Variants in WNT3 observed in about 807,000 individuals in gnomAD.
WNT3 encodes Wnt family member 3.
WNT3 carries 7 observed loss-of-function variants against 34.2 expected under a neutral mutation model. The observed-to-expected ratio is 0.20, with a 90% CI of 0.12 to 0.38. The LOEUF (loss-of-function observed/expected upper bound fraction) is 0.38. Among genes scored for constraint, WNT3 ranks in the 10% least tolerant of loss-of-function variants. WNT3 has a pLI of 1.00. For synonymous variants in WNT3, 212 were observed against 211.5 expected (o/e 1.00, Z -0.02); for missense variants, 267 against 499.8 (o/e 0.53, Z 4.44).
chr17:46,818,256 A>G (rs935891951), intron 1 of WNT3, among the ~76,000 whole-genome samples: 15 of 152,034 alleles, frequency 9.9e-5, no homozygotes, highest in African/African-American at 3.4e-4. Context: ...AGGATCTAAG[A>G]ATAAGAAACC....
chr17:46,808,953 T>A (rs1344599253), intron 1 of WNT3, among the ~76,000 whole-genome samples: 1 of 152,172 alleles, frequency 6.6e-6, no homozygotes, highest in Non-Finnish European at 1.5e-5. Context: ...GTTAGCTACA[T>A]GACCTGAGCC....
intron 1 of WNT3, among the ~76,000 whole-genome samples, chr17:46,796,409 C>A (rs1383805327): frequency 2.0e-5 from 3 of 152,292 alleles, no homozygotes; most frequent in Admixed American, 6.5e-5. Context: ...GTTATCATCA[C>A]CCCTATCTCA....
At chr17:46,770,688 C>G (rs1442519067) in intron 2 of WNT3, among the ~76,000 whole-genome samples, 2 of 152,208 alleles carry the variant, frequency 1.3e-5, no homozygotes, top group African/African-American at 4.8e-5. Flanking sequence ...TGCCCTCACG[C>G]CCAGGCACGG....
intron 1 of WNT3, among the ~76,000 whole-genome samples, chr17:46,810,248 T>G (rs1224034602): frequency 6.6e-6 from 1 of 152,064 alleles, no homozygotes; most frequent in East Asian, 1.9e-4. Context: ...CCTCAGGTGA[T>G]CCACCCGCCT....
At chr17:46,767,434 G>C (rs1424902099) in intron 4 of WNT3, among the ~76,000 whole-genome samples, 1 of 152,194 alleles carries the variant, frequency 6.6e-6, no homozygotes, top group African/African-American at 2.4e-5. Context: ...GCTTGTGCAG[G>C]AACTTGCCCT....
intron 1 of WNT3, among the ~76,000 whole-genome samples, chr17:46,808,654 G>A (rs894700753): frequency 3.3e-5 from 5 of 152,158 alleles, no homozygotes; most frequent in Admixed American, 1.3e-4. Flanking sequence ...GTCAACAAAC[G>A]TATTAACCTG....
chr17:46,768,870 T>C lies in WNT3; in HGVS notation c.589-71A>G. ...GGGGCACATCCAGGCCTTCCCTCTC[T>C]GCCACTGCCCACCCCCTTCCCTCCA... On this transcript the variant is annotated intron_variant, in intron 3 of 4. Coordinates refer to ENST00000225512, the MANE Select transcript of WNT3 (RefSeq NM_030753.5). This position sits in a 1 kb window ranked among gnomAD's most constrained non-coding sequence, Gnocchi z 5.0. The C allele has an allele frequency of 1.9e-6, 3 of 1,571,950 alleles. No individual in the cohort carries two copies. The highest frequency in any genetic ancestry group is 2.4e-5 in the South Asian group (2 of 85,098).
At chr17:46,800,137 G>A (rs2084105692) in intron 1 of WNT3, among the ~76,000 whole-genome samples, 2 of 152,016 alleles carry the variant, frequency 1.3e-5, no homozygotes, top group Non-Finnish European at 2.9e-5. Context: ...TGGAGATGGA[G>A]TCTCACTGTG....
At chr17:46,786,034 G>A (rs1053902947) in intron 1 of WNT3, among the ~76,000 whole-genome samples, 6 of 152,198 alleles carry the variant, frequency 3.9e-5, no homozygotes, top group African/African-American at 1.4e-4. Flanking sequence ...TTGTGAGCAT[G>A]AAGTGCTTTT....
chr17:46,800,519 C>G (rs544135758), intron 1 of WNT3, among the ~76,000 whole-genome samples: 416 of 116,020 alleles, frequency 3.6e-3, no homozygotes, highest in South Asian at 6.5e-3. Context: ...GGGGCTGACT[C>G]TTACACTGGG....
intron 1 of WNT3, among the ~76,000 whole-genome samples, chr17:46,793,195 G>A (rs948773654): frequency 6.9e-6 from 1 of 144,080 alleles, no homozygotes; most frequent in Non-Finnish European, 1.5e-5. Flanking sequence ...GATTGCTTGA[G>A]CCCAGGAGGT....
intron 1 of WNT3, among the ~76,000 whole-genome samples, chr17:46,803,841 C>G (rs1044214401): frequency 6.6e-6 from 1 of 152,220 alleles, no homozygotes; most frequent in Admixed American, 6.5e-5. Context: ...AGCAGGCTCA[C>G]GGCTGTCTGG....
At chr17:46,810,663 C>G (rs2084262307) in intron 1 of WNT3, among the ~76,000 whole-genome samples, 2 of 152,002 alleles carry the variant, frequency 1.3e-5, no homozygotes, top group Non-Finnish European at 2.9e-5. Flanking sequence ...GCACCCCCCA[C>G]CCTTCCCTGA....
At chr17:46,812,224 AAAG>A (rs1002895541) in intron 1 of WNT3, among the ~76,000 whole-genome samples, 9 of 152,170 alleles carry the variant, frequency 5.9e-5, no homozygotes, top group African/African-American at 1.4e-4. Context: ...GCAGCGGGAT[AAAG>A]AAGGACCCTG....
intron 1 of WNT3, among the ~76,000 whole-genome samples, chr17:46,813,532 G>GTC (rs2084302960): frequency 6.6e-6 from 1 of 151,936 alleles, no homozygotes; most frequent in African/African-American, 2.4e-5. Context: ...GGTGGAGGAT[G>GTC]TCTTGCCCTC....
Position 46,791,354 on chromosome 17 carries a change from C to T in WNT3, c.81-17445G>A, listed in dbSNP as rs548044682. On this transcript the variant is annotated intron_variant, in intron 1 of 4. Transcript: ENST00000225512. ...GAGTAACTGGGATTACAGACGAGGACCACCATACCTGGCTAAATTTTTTTG... is the reference window on the plus strand; with the variant it reads ...GAGTAACTGGGATTACAGACGAGGATCACCATACCTGGCTAAATTTTTTTG... Among the ~76,000 whole-genome samples, 4 of 152,250 alleles carry T rather than the reference C, an allele frequency of 2.6e-5. No homozygotes were observed. In the South Asian group the frequency reaches 8.3e-4, roughly 32 times the overall value.
rs570141272 is a variant in WNT3 at position 46,769,498 on chromosome 17, C to A, written c.588+285G>T. ...GACTTGACAGCCCTACACCGCGTGCCAAGGTGCACAGGATGGGTGGTGGGT... is the reference window on the plus strand; with the variant it reads ...GACTTGACAGCCCTACACCGCGTGCAAAGGTGCACAGGATGGGTGGTGGGT... On this transcript the variant is annotated intron_variant, in intron 3 of 4. Transcript: ENST00000225512. Among the ~76,000 whole-genome samples, 6 of 152,280 alleles carry A rather than the reference C, an allele frequency of 3.9e-5. No individual in the cohort carries two copies. In the South Asian group the frequency reaches 8.3e-4, roughly 21 times the overall value.
intron 1 of WNT3, among the ~76,000 whole-genome samples, chr17:46,787,682 G>A (rs934970819): frequency 1.6e-4 from 25 of 152,196 alleles, no homozygotes; most frequent in East Asian, 3.9e-4. Context: ...GGCCGGGCGC[G>A]GTGGCTCACG....
chr17:46,802,510 C>T (rs1252322407), intron 1 of WNT3, among the ~76,000 whole-genome samples: 2 of 152,134 alleles, frequency 1.3e-5, no homozygotes, highest in South Asian at 2.1e-4. Flanking sequence ...TCAGATGATC[C>T]ACCTGCCTCG....
Sources: gnomAD v4.1 joint callset for allele counts (sites outside exome capture counted in the v4.1 genomes callset) on GRCh38, gnomAD v4.1.1 for gene constraint, Gnocchi (gnomAD v3.1) non-coding constraint, MANE v1.5 for transcripts, NCBI Gene and HGNC (gene_info 2026-07-23, HGNC 2026-07-21) for gene names.